The following NRG1 variants were observed in gnomAD, a reference collection of about 807,000 sequenced individuals.
NRG1 encodes the protein pro-neuregulin-1, membrane-bound isoform.
Under a neutral mutation model 63.8 loss-of-function variants are expected in NRG1, and 18 were observed. The ratio of observed to expected loss-of-function variants is 0.28; its 90% CI spans 0.19 to 0.42. The LOEUF is 0.42. NRG1 is among the 10% of genes least tolerant of loss of function. The pLI, the probability that NRG1 is intolerant of heterozygous loss-of-function variation, is 1.00. For synonymous variants in NRG1, 302 were observed against 301.3 expected (o/e 1.00, Z -0.02); for missense variants, 762 against 814.7 (o/e 0.94, Z 0.79).
chr8:32,763,665 A>G, intron 11 of NRG1, 83 bp from the exon 12 acceptor site: 1 of 1,318,098 alleles, frequency 7.6e-7, no homozygotes, highest in African/African-American at 1.5e-5. Context: ...ATGATATAAT[A>G]CCGTGAACTC....
At chr8:32,001,268 G>T (rs758309746) in intron 1 of NRG1, among the ~76,000 whole-genome samples, 1 of 152,022 alleles carries the variant, frequency 6.6e-6, no homozygotes, top group Non-Finnish European at 1.5e-5. Context: ...AACCATGGGG[G>T]TGGGTTTTTC....
intron 1 of NRG1, among the ~76,000 whole-genome samples, chr8:31,825,594 G>A (rs1029957440): frequency 2.0e-5 from 3 of 152,094 alleles, no homozygotes; most frequent in Non-Finnish European, 2.9e-5. Flanking sequence ...CTGAGACACA[G>A]AGAAGTTAAG....
chr8:32,410,848 T>C (rs1489615305), intron 1 of NRG1, among the ~76,000 whole-genome samples: 1 of 151,622 alleles, frequency 6.6e-6, no homozygotes, highest in East Asian at 2.0e-4. Flanking sequence ...GAAATATAGA[T>C]GTGAACAGGC....
intron 1 of NRG1, among the ~76,000 whole-genome samples, chr8:31,801,235 T>C (rs969780285): frequency 1.6e-4 from 25 of 152,172 alleles, no homozygotes; most frequent in Non-Finnish European, 3.5e-4. Flanking sequence ...TTTGCTGTTT[T>C]GGCTGACATT....
intron 1 of NRG1, among the ~76,000 whole-genome samples, chr8:32,451,534 T>A (rs1367413459): frequency 2.0e-5 from 3 of 152,180 alleles, no homozygotes; most frequent in Non-Finnish European, 1.5e-5. Context: ...AGCCAGTCTT[T>A]ATTATCCCCG....
chr8:32,241,858 AAGCAATCCTCCCACCTCAGCCTCCTGAGT>A (rs1401415756), intron 1 of NRG1, among the ~76,000 whole-genome samples: 4 of 151,630 alleles, frequency 2.6e-5, no homozygotes, highest in Non-Finnish European at 4.4e-5. Flanking sequence ...TCCTGGGCTT[AAGCAATCCTCCCACCTCAGCCTCCTGAGT>A]AGCTGGGACT....
chr8:32,530,054 G>A (rs1831282197), intron 1 of NRG1, among the ~76,000 whole-genome samples: 1 of 152,054 alleles, frequency 6.6e-6, no homozygotes, highest in Non-Finnish European at 1.5e-5. Context: ...CGAGTAATGT[G>A]TTGTGCTACA....
chr8:32,692,256 G>A (rs1015438437), intron 5 of NRG1, among the ~76,000 whole-genome samples: 1 of 152,210 alleles, frequency 6.6e-6, no homozygotes, highest in African/African-American at 2.4e-5. Flanking sequence ...TTTATTCTGT[G>A]TAGCTATTTT....
intron 5 of NRG1, among the ~76,000 whole-genome samples, chr8:32,675,309 C>T (rs1004600793): frequency 1.3e-5 from 2 of 152,176 alleles, no homozygotes; most frequent in African/African-American, 4.8e-5. Context: ...CAGCACAGAT[C>T]TAGTTATTTG....
At chr8:32,629,950 C>A (rs1203359590) in intron 5 of NRG1, among the ~76,000 whole-genome samples, 1 of 152,104 alleles carries the variant, frequency 6.6e-6, no homozygotes, top group Non-Finnish European at 1.5e-5. Flanking sequence ...TAATAAGCAT[C>A]TACTATGTGT....
chr8:31,766,548 T>G (rs1818083122), intron 1 of NRG1, among the ~76,000 whole-genome samples: 1 of 152,162 alleles, frequency 6.6e-6, no homozygotes, highest in African/African-American at 2.4e-5. Flanking sequence ...AGAGTCAATT[T>G]CTGAAAAATA....
At chr8:32,118,358 C>A (rs1031398245) in intron 1 of NRG1, among the ~76,000 whole-genome samples, 1 of 151,400 alleles carries the variant, frequency 6.6e-6, no homozygotes, top group Non-Finnish European at 1.5e-5. Context: ...CCTCTTCCCC[C>A]TCTCTCTCTT....
At chr8:32,664,459 T>A (rs1803632627) in intron 5 of NRG1, among the ~76,000 whole-genome samples, 2 of 152,074 alleles carry the variant, frequency 1.3e-5, no homozygotes, top group East Asian at 3.8e-4. Flanking sequence ...AACAGACATG[T>A]TAAGTGCATG....
chr8:32,475,293 C>T (rs553302551), intron 1 of NRG1, among the ~76,000 whole-genome samples: 168 of 151,754 alleles, frequency 1.1e-3, no homozygotes, highest in Non-Finnish European at 1.9e-3. Flanking sequence ...GGTGAAACCC[C>T]AGCTCTACTA....
intron 1 of NRG1, among the ~76,000 whole-genome samples, chr8:32,493,971 G>A (rs1267939673): frequency 1.3e-5 from 2 of 152,044 alleles, no homozygotes; most frequent in African/African-American, 2.4e-5. Context: ...TAATGAAAAA[G>A]GAAACACAAA....
At chr8:31,783,526 G>A (rs1819890116) in intron 1 of NRG1, among the ~76,000 whole-genome samples, 1 of 151,344 alleles carries the variant, frequency 6.6e-6, no homozygotes, top group African/African-American at 2.4e-5. Context: ...AAATGCCATT[G>A]CAGTAGCTCA....
At chr8:31,905,076 C>A (rs941102294) in intron 1 of NRG1, among the ~76,000 whole-genome samples, 1 of 151,734 alleles carries the variant, frequency 6.6e-6, no homozygotes, top group Non-Finnish European at 1.5e-5. Flanking sequence ...CCATTGTGGA[C>A]ATCATACAAG....
intron 1 of NRG1, among the ~76,000 whole-genome samples, chr8:31,687,728 T>A (rs1191038582): frequency 1.3e-5 from 2 of 152,066 alleles, no homozygotes; most frequent in East Asian, 3.9e-4. Context: ...GATGGAAGAG[T>A]CAAGGTGTTT....
intron 1 of NRG1, among the ~76,000 whole-genome samples, chr8:32,363,053 T>C (rs1354012918): frequency 1.3e-5 from 2 of 152,166 alleles, no homozygotes; most frequent in Non-Finnish European, 2.9e-5. Context: ...TTCAGTCCAT[T>C]AGTCTGAGTG....
Sources: gnomAD v4.1 joint callset for allele counts (sites outside exome capture counted in the v4.1 genomes callset) on GRCh38, gnomAD v4.1.1 for gene constraint, MANE v1.5 for transcripts, NCBI Gene and HGNC (gene_info 2026-07-23, HGNC 2026-07-21) for gene names.